AVEN: variants seen among roughly 807,000 people sequenced by gnomAD.
The protein encoded by AVEN is apoptosis and caspase activation inhibitor.
AVEN carries 41 observed loss-of-function variants against 38.1 expected under a neutral mutation model. The ratio of observed to expected loss-of-function variants is 1.08; its 90% CI spans 0.84 to 1.40. The LOEUF (loss-of-function observed/expected upper bound fraction) is 1.40, where lower values mean the gene tolerates loss of function less well. Ranked by LOEUF, AVEN falls within the 40% of genes most tolerant of loss-of-function variation. AVEN has a pLI of 0.00. For missense variants in AVEN, 605 were observed against 438.8 expected, an observed-to-expected ratio of 1.38 and a Z score of -3.38; for synonymous variants, 206 against 171.8, an observed-to-expected ratio of 1.20 and a Z score of -1.56.
chr15:34,010,475 T>C (rs760499238), intron 1 of AVEN, among the ~76,000 whole-genome samples: 4 of 152,198 alleles, frequency 2.6e-5, no homozygotes, highest in Non-Finnish European at 5.9e-5. Context: ...AAGCCTTTTA[T>C]GTTTAAGAAC....
intron 4 of AVEN, among the ~76,000 whole-genome samples, chr15:33,870,591 G>C (rs1357796481): frequency 6.6e-6 from 1 of 152,166 alleles, no homozygotes; most frequent in Non-Finnish European, 1.5e-5. Flanking sequence ...TTAAGTTCCA[G>C]AAAGGCAGGA....
chr15:33,853,168 T>C, the AVEN span: 109 of 1,150,996 alleles, frequency 9.5e-5, no homozygotes, highest in Middle Eastern at 4.1e-4. Context: ...CATACAAACA[T>C]GAGTAAATGT....
chr15:33,938,811 C>A (rs1894200349), intron 2 of AVEN, among the ~76,000 whole-genome samples: 1 of 152,198 alleles, frequency 6.6e-6, no homozygotes, highest in Non-Finnish European at 1.5e-5. Context: ...CCGACAGGAT[C>A]AGATACACCT....
chr15:33,881,574 G>A (rs115957120), intron 2 of AVEN, among the ~76,000 whole-genome samples: 2 of 152,120 alleles, frequency 1.3e-5, no homozygotes, highest in African/African-American at 4.8e-5. Context: ...TTCTCACATT[G>A]AAGATGAAAG....
rs531138965 is a variant in AVEN, at chr15:33,869,908, A to G, written c.612+1027T>C. Reference sequence around the variant, plus strand: ...GGGCCTCCCCCTCTCTTAGTTCATCAATTATCACTTCATCCTGTTATCTCC... The same window carrying G: ...GGGCCTCCCCCTCTCTTAGTTCATCGATTATCACTTCATCCTGTTATCTCC... On this transcript the variant is annotated intron_variant, in intron 4 of 5. Transcript: ENST00000306730. 1.1e-4 allele frequency among the ~76,000 whole-genome samples: 17 copies of G among 151,240 alleles called. 1 individual carries two copies. The South Asian group carries it at 2.7e-3, about 24-fold the overall frequency.
At chr15:33,939,133 G>GGCCACACCTATTTCTTTCAACGGC (rs1894214810) in intron 2 of AVEN, among the ~76,000 whole-genome samples, 1 of 152,020 alleles carries the variant, frequency 6.6e-6, no homozygotes, top group Non-Finnish European at 1.5e-5. Flanking sequence ...GAGCCACCAC[G>GGCCACACCTATTTCTTTCAACGGC]CCCGGCCACA....
chr15:34,029,405 G>A (rs911878713), intron 1 of AVEN, among the ~76,000 whole-genome samples: 2 of 151,728 alleles, frequency 1.3e-5, no homozygotes, highest in Non-Finnish European at 2.9e-5. Context: ...TAGGAACCGG[G>A]CAAGGTGGCT....
intron 2 of AVEN, among the ~76,000 whole-genome samples, chr15:33,941,825 G>A (rs1894328857): frequency 6.6e-6 from 1 of 152,182 alleles, no homozygotes; most frequent in Admixed American, 6.5e-5. Context: ...GCAGAGGATA[G>A]GCAATACTTG....
chr15:33,983,997 T>C (rs988413543), intron 2 of AVEN, among the ~76,000 whole-genome samples: 1 of 150,508 alleles, frequency 6.6e-6, no homozygotes, highest in African/African-American at 2.4e-5. Flanking sequence ...TCTTCAAAAG[T>C]GTCAATTTCA....
At chr15:34,018,722 A>G (rs1320712270) in intron 1 of AVEN, among the ~76,000 whole-genome samples, 1 of 152,118 alleles carries the variant, frequency 6.6e-6, no homozygotes, top group Admixed American at 6.5e-5. Flanking sequence ...TTATTCCCTT[A>G]TTTGGCCCTG....
At chr15:34,037,491 A>G (rs1170168465) in intron 1 of AVEN, among the ~76,000 whole-genome samples, 1 of 149,828 alleles carries the variant, frequency 6.7e-6, no homozygotes, top group Non-Finnish European at 1.5e-5. Flanking sequence ...ATAATATATA[A>G]CATTGTAGTT....
chr15:33,935,988 C>A (rs182885206), intron 2 of AVEN, among the ~76,000 whole-genome samples: 46 of 151,936 alleles, frequency 3.0e-4, no homozygotes, highest in Non-Finnish European at 6.2e-4. Flanking sequence ...CTTTTAATTT[C>A]CAGAAAACAA....
chr15:33,966,975 A>T (rs1895411689), intron 2 of AVEN, among the ~76,000 whole-genome samples: 1 of 152,134 alleles, frequency 6.6e-6, no homozygotes, highest in South Asian at 2.1e-4. Context: ...ACTCTAAGTC[A>T]CATTCAATCA....
In AVEN at chr15:34,063,498, C is replaced by T; in HGVS notation, n.1127-66G>A. ...CTGCTTGCGCTGTCCTCGACCCACC[C>T]TGGCCCAGCGGGAAAGGAACCAGGC... On this transcript the variant is annotated intron_variant and non_coding_transcript_variant, in intron 4 of 11. Coordinates refer to the AVEN transcript ENST00000675287. This position sits in a 1 kb window ranked among gnomAD's most constrained non-coding sequence, Gnocchi z 4.1. The T allele has an allele frequency of 1.3e-5, 21 of 1,613,880 alleles. No homozygotes were observed. The highest frequency in any genetic ancestry group is 1.7e-5 in the Non-Finnish European group (20 of 1,180,036).
At chr15:33,859,492 CCGAATCATATGAATGATCTGAG>C in intron 11 of AVEN, 2 of 1,513,164 alleles carry the variant, frequency 1.3e-6, no homozygotes, top group Non-Finnish European at 1.8e-6. Flanking sequence ...CACAATCTGA[CCGAATCATATGAATGATCTGAG>C]CATCTTGCTA....
chr15:33,887,734 A>C (rs1891761101), intron 2 of AVEN, among the ~76,000 whole-genome samples: 2 of 152,212 alleles, frequency 1.3e-5, no homozygotes, highest in Admixed American at 1.3e-4. Context: ...AGAGGGGGTC[A>C]CATTCTCTCC....
intron 2 of AVEN, among the ~76,000 whole-genome samples, chr15:33,928,630 G>C (rs114164601): frequency 6.6e-6 from 1 of 152,124 alleles, no homozygotes; most frequent in African/African-American, 2.4e-5. Context: ...CCAAGGGTGG[G>C]CAAGGATGTA....
At chr15:33,937,172 A>G (rs2153052594) in intron 2 of AVEN, among the ~76,000 whole-genome samples, 1 of 148,342 alleles carries the variant, frequency 6.7e-6, no homozygotes, top group South Asian at 2.1e-4. Context: ...ACACTCTATC[A>G]TTGTAAATCA....
At chr15:33,886,404 G>A (rs1229573176) in intron 2 of AVEN, among the ~76,000 whole-genome samples, 1 of 152,340 alleles carries the variant, frequency 6.6e-6, no homozygotes, top group Middle Eastern at 3.4e-3. Context: ...CCAGGTTCAA[G>A]TGAGTCTCCT....
Sources: gnomAD v4.1 joint callset for allele counts (sites outside exome capture counted in the v4.1 genomes callset) on GRCh38, gnomAD v4.1.1 for gene constraint, Gnocchi (gnomAD v3.1) non-coding constraint, MANE v1.5 for transcripts, NCBI Gene and HGNC (gene_info 2026-07-23, HGNC 2026-07-21) for gene names.